The following CACNA1H variants were observed in gnomAD, a reference collection of about 807,000 sequenced individuals.
CACNA1H encodes voltage-dependent T-type calcium channel subunit alpha-1H.
CACNA1H carries 149 observed loss-of-function variants against 192.5 expected under a neutral mutation model. The observed-to-expected ratio is 0.77, with a 90% confidence interval of 0.68 to 0.89. The LOEUF (loss-of-function observed/expected upper bound fraction) is 0.89, where lower values mean the gene tolerates loss of function less well. Ranked by LOEUF, CACNA1H falls within the 40% of genes least tolerant of loss-of-function variation. The pLI is 0.00. For missense variants in CACNA1H, 4,257 were observed against 3,423.5 expected, an observed-to-expected ratio of 1.24 and a Z score of -6.08; for synonymous variants, 2,202 against 1,475.2, an observed-to-expected ratio of 1.49 and a Z score of -11.29.
chr16:1,212,053 C>T lies in CACNA1H; in HGVS notation c.4674C>T (p.Phe1558=), dbSNP rs376539258. The T allele has an allele frequency of 6.2e-7, 1 of 1,613,266 alleles. No individual in the cohort carries two copies. Among genetic ancestry groups the T allele is most frequent in the South Asian group, 1.1e-5 (1 of 91,076 alleles). Residue 1558 remains phenylalanine (F), a synonymous_variant, in exon 25 of 35, where the codon TTC becomes TTT. Transcript: ENST00000348261. ...NMFVGVVVEN[F]HKCRQHQEAE... is the part of the protein sequence containing the mutation. ...TCGTGGGCGTCGTGGTCGAGAACTT[C>T]CACAAGTGCCGGCAGCACCAGGAGG...
rs1348667651 is a variant in CACNA1H, at chr16:1,185,567, C to T, written c.300-9405C>T. 5.3e-4 allele frequency among the ~76,000 whole-genome samples: 12 copies of T among 22,490 alleles called. 1 individual carries two copies. The highest frequency in any genetic ancestry group is 4.2e-3 in the Admixed American group (9 of 2,138). The allele number at this position is 22,490 out of a possible 152,430, so 14.8% of individuals were successfully genotyped here. Reference sequence around the variant, plus strand: ...GATGCTCAGAAAGCCTAGTGGGGCACGGGGGTCCATGGCGGGTGAGTAGAC... The same window carrying T: ...GATGCTCAGAAAGCCTAGTGGGGCATGGGGGTCCATGGCGGGTGAGTAGAC... On this transcript the variant is annotated intron_variant, in intron 2 of 34. Coordinates refer to ENST00000348261, the MANE Select transcript of CACNA1H (RefSeq NM_021098.3).
intron 2 of CACNA1H, among the ~76,000 whole-genome samples, chr16:1,170,057 C>G (rs1409248119): frequency 6.6e-6 from 1 of 152,220 alleles, no homozygotes; most frequent in African/African-American, 2.4e-5. Flanking sequence ...CTGAGCCCCC[C>G]TCCCCCGCTC....
chr16:1,156,099 G>A (rs188999302), intron 2 of CACNA1H, among the ~76,000 whole-genome samples: 3 of 152,282 alleles, frequency 2.0e-5, no homozygotes, highest in South Asian at 4.1e-4. Context: ...CCCTTCGATG[G>A]CATCCCTTGC....
rs77353822 is a variant in CACNA1H at position 1,203,143 on chromosome 16, G to A, written c.2002+691G>A. On this transcript the variant is annotated intron_variant, in intron 9 of 34. Coordinates refer to ENST00000348261, the MANE Select transcript of CACNA1H (RefSeq NM_021098.3). Reference sequence around the variant, plus strand: ...GCCGGGATGCTGTGTGCCCTCATGCGCTGGTACCCAGGGCGTGCAGACGAG... The same window carrying A: ...GCCGGGATGCTGTGTGCCCTCATGCACTGGTACCCAGGGCGTGCAGACGAG... Among the ~76,000 whole-genome samples, 804 of 152,282 alleles carry A rather than the reference G, an allele frequency of 5.3e-3. 7 individuals carry two copies. Among genetic ancestry groups the A allele is most frequent in the African/African-American group, 0.018 (763 of 41,544 alleles).
chr16:1,211,684 C>T (rs1230071613), intron 23 of CACNA1H, 32 bp from the exon 24 acceptor site: 7 of 1,611,896 alleles, frequency 4.3e-6, no homozygotes, highest in African/African-American at 2.7e-5. Flanking sequence ...CCAGCTCTAA[C>T]CCTCGCCAGT....
intron 25 of CACNA1H, 81 bp from the exon 26 acceptor site, chr16:1,212,430 G>T (rs542002031): frequency 7.1e-7 from 1 of 1,415,180 alleles, no homozygotes; most frequent in East Asian, 2.4e-5. Flanking sequence ...CCGAGACACG[G>T]GGGCTGAGGG....
chr16:1,189,826 C>T (rs1008629180), intron 2 of CACNA1H, among the ~76,000 whole-genome samples: 6 of 152,194 alleles, frequency 3.9e-5, no homozygotes, highest in African/African-American at 2.4e-5. Flanking sequence ...GTCTTCAGCC[C>T]TGTTCCCCTG....
intron 2 of CACNA1H, among the ~76,000 whole-genome samples, chr16:1,194,238 C>CGT (rs918158271): frequency 2.0e-5 from 3 of 152,164 alleles, no homozygotes; most frequent in African/African-American, 7.2e-5. Context: ...TCGGTTCCCA[C>CGT]GTGTTGGTGA....
intron 12 of CACNA1H, 92 bp from the exon 13 acceptor site, chr16:1,206,909 T>TCCCCCCCCCCCCCCCCCCCCCCCCCC: frequency 4.3e-5 from 5 of 116,610 alleles, no homozygotes; most frequent in Admixed American, 1.0e-4. Flanking sequence ...GTCCTGCCCC[T>TCCCCCCCCCCCCCCCCCCCCCCCCCC]CCCTCCTCCC....
At position 1,167,859 on chromosome 16, in the gene CACNA1H, C is replaced by A. The variant is rs1191241919; in HGVS notation, c.299+13823C>A. 1.3e-5 allele frequency among the ~76,000 whole-genome samples: 2 copies of A among 152,168 alleles called. No individual in the cohort carries two copies. The highest frequency in any genetic ancestry group is 6.5e-5 in the Admixed American group (1 of 15,282). On this transcript the variant is annotated intron_variant, in intron 2 of 34. Coordinates refer to ENST00000348261, the MANE Select transcript of CACNA1H (RefSeq NM_021098.3). The surrounding 1 kb of genome is among the most constrained non-coding windows in gnomAD (Gnocchi z 4.2). ...GGGGCGTGGCCTGGCCGTCCGTCCG[C>A]GGGGCCCGGGCTGCCCATGGCAGCA...
rs368357823 is a variant in CACNA1H at position 1,200,428 on chromosome 16, C to G, written c.976C>G (p.Gln326Glu). Residue 326 changes from glutamine to glutamate, a missense_variant, in exon 7 of 35, where the codon CAG (glutamine) becomes GAG (glutamate). Gln to Glu is a conservative substitution (Grantham distance 29, BLOSUM62 2). Transcript: ENST00000348261. ...TLGWEAYTQPQAEGVGAARNA... is the reference protein window; with the variant it reads ...TLGWEAYTQPEAEGVGAARNA... The stretch of plus-strand genomic sequence containing the variant: ...GGGCTGGGAGGCCTACACGCAGCCG[C>G]AGGCCGAGGGGGTGGGCGCTGCACG... The G allele has an allele frequency of 1.2e-6, 2 of 1,610,066 alleles. No individual in the cohort carries two copies. Among genetic ancestry groups the G allele is most frequent in the African/African-American group, 1.3e-5 (1 of 74,906 alleles).
intron 9 of CACNA1H, among the ~76,000 whole-genome samples, chr16:1,203,015 C>T (rs1018271616): frequency 1.3e-5 from 2 of 152,216 alleles, no homozygotes; most frequent in Non-Finnish European, 2.9e-5. Flanking sequence ...TAGGGTTCCA[C>T]ACGGGCCTGG....
rs927746219 is a variant in CACNA1H, at chr16:1,201,611, G to A, written c.1213-52G>A. ...GCAGCGCACAGTAGGGCTCAGTGGC[G>A]AATCAGAGACTCGCTCACTCACTGC... On this transcript the variant is annotated intron_variant, in intron 8 of 34. Coordinates refer to ENST00000348261, the MANE Select transcript of CACNA1H (RefSeq NM_021098.3). 187 of 1,504,660 alleles carry A rather than the reference G, an allele frequency of 1.2e-4. 1 individual carries two copies. The African/African-American group carries it at 2.1e-3, about 17-fold the overall frequency. The allele number at this position is 1,504,660 out of a possible 1,614,324, so 93.2% of individuals were successfully genotyped here.
At chr16:1,169,873 CGCCCA>C (rs961822493) in intron 2 of CACNA1H, among the ~76,000 whole-genome samples, 10 of 152,264 alleles carry the variant, frequency 6.6e-5, no homozygotes, top group African/African-American at 2.4e-4. Context: ...CGTGTGCGAC[CGCCCA>C]GCACTGCAGT....
At position 1,209,050 on chromosome 16, in the gene CACNA1H, C is replaced by A; in HGVS notation, c.3382C>A (p.Pro1128Thr). ...QKPPASLRSS[P>T]CAPWGPSGAW... Reference sequence around the variant, plus strand: ...CCCCCAGGCCAGCCTCCGAAGTTCTCCCTGTGCCCCCTGGGGCCCCAGTGG... The same window carrying A: ...CCCCCAGGCCAGCCTCCGAAGTTCTACCTGTGCCCCCTGGGGCCCCAGTGG... The change falls in exon 17 of 35, where the codon CCC becomes ACC. Residue 1128 changes from proline to threonine, a missense_variant. Transcript: ENST00000348261. The A allele has an allele frequency of 6.5e-7, 1 of 1,529,538 alleles. No homozygotes were observed. The allele number at this position is 1,529,538 out of a possible 1,614,324, so 94.7% of individuals were successfully genotyped here.
At position 1,202,291 on chromosome 16, in the gene CACNA1H, C is replaced by G. The variant is rs1474194360; in HGVS notation, c.1841C>G (p.Pro614Arg). The G allele has an allele frequency of 6.3e-7, 1 of 1,584,764 alleles. No homozygotes were observed. The highest frequency in any genetic ancestry group is 1.2e-5 in the South Asian group (1 of 86,544). Residue 614 changes from proline to arginine, a missense_variant, in exon 9 of 35, where the codon CCC (proline) becomes CGC (arginine). Coordinates refer to ENST00000348261, the MANE Select transcript of CACNA1H (RefSeq NM_021098.3). ...ACAGGGCTGGGCACCATGAACTACC[C>G]CACGATCCTGCCCTCAGGGGTGGGC... is the stretch of plus-strand genomic sequence containing the variant. ...LATGLGTMNY[P>R]TILPSGVGSG...
chr16:1,221,196 C>A lies in CACNA1H; in HGVS notation c.*202C>A, dbSNP rs1970458021. 1.9e-6 allele frequency: 1 copy of A among 528,976 alleles called. No homozygotes were observed. Among genetic ancestry groups the A allele is most frequent in the Non-Finnish European group, 3.3e-6 (1 of 303,540 alleles). The allele number at this position is 528,976 out of a possible 1,614,324, so 32.8% of individuals were successfully genotyped here. On this transcript the variant is annotated 3_prime_UTR_variant, in exon 35 of 35. Transcript: ENST00000348261. Reference sequence around the variant, plus strand: ...CGGGCCCCACGAGCCTCCGTCCGTTCTGGTTCGGGTTTCTCCGAGTTTTGC... The same window carrying A: ...CGGGCCCCACGAGCCTCCGTCCGTTATGGTTCGGGTTTCTCCGAGTTTTGC...
chr16:1,171,830 G>A (rs535373340), intron 2 of CACNA1H, among the ~76,000 whole-genome samples: 72 of 152,370 alleles, frequency 4.7e-4, no homozygotes, highest in Middle Eastern at 6.8e-3. Flanking sequence ...CCGAGCGCCA[G>A]CTGGGTCTGA....
chr16:1,200,349 G>T lies in CACNA1H; in HGVS notation c.897G>T (p.Met299Ile). The stretch of plus-strand genomic sequence containing the variant: ...GCTCCTCACGCCGAGACAACGGCAT[G>T]CAGAAGTGCTCGCACATCCCCGGCC... ...FICSSRRDNG[M>I]QKCSHIPGRR... Residue 299 changes from methionine (M) to isoleucine (I), a missense_variant, in exon 7 of 35, where the codon ATG (methionine) becomes ATT (isoleucine). Transcript: ENST00000348261. The T allele has an allele frequency of 6.2e-7, 1 of 1,602,244 alleles. No homozygotes were observed.
Sources: allele counts gnomAD v4.1 joint callset (sites outside exome capture counted in the v4.1 genomes callset), GRCh38; gene constraint gnomAD v4.1.1; non-coding constraint Gnocchi (gnomAD v3.1); transcripts MANE v1.5; gene names NCBI Gene and HGNC (gene_info 2026-07-23, HGNC 2026-07-21).